STK32B: variants seen among roughly 807,000 people sequenced by gnomAD.
STK32B encodes the protein serine/threonine-protein kinase 32B.
STK32B carries 43 observed loss-of-function variants against 52.6 expected under a neutral mutation model. That is an observed-to-expected ratio of 0.82 (90% CI 0.64 to 1.05). STK32B has a LOEUF of 1.05. Ranked by LOEUF, STK32B falls within the 50% of genes least tolerant of loss-of-function variation. STK32B has a pLI of 0.00. For synonymous variants in STK32B, 238 were observed against 204.3 expected, an observed-to-expected ratio of 1.17 and a Z score of -1.41; for missense variants, 621 against 534.6, an observed-to-expected ratio of 1.16 and a Z score of -1.59.
chr4:5,134,545 T>C (rs990905920), intron 1 of STK32B, among the ~76,000 whole-genome samples: 1 of 152,212 alleles, frequency 6.6e-6, no homozygotes, highest in Non-Finnish European at 1.5e-5. Context: ...AATTACCCAG[T>C]CTGTGGCATT....
intron 4 of STK32B, among the ~76,000 whole-genome samples, chr4:5,382,384 A>G (rs1735987754): frequency 2.6e-5 from 4 of 152,184 alleles, no homozygotes; most frequent in Admixed American, 2.0e-4. Flanking sequence ...ATGAAATAAT[A>G]CATGTAAAGT....
Position 5,460,141 on chromosome 4 carries a change from T to C in STK32B, c.822T>C (p.Leu274=). 5 of 1,614,172 alleles carry C rather than the reference T, an allele frequency of 3.1e-6. No individual in the cohort carries two copies. The highest frequency in any genetic ancestry group is 3.4e-6 in the Non-Finnish European group (4 of 1,180,030). Residue 274 remains leucine, a synonymous_variant, in exon 9 of 12, where the codon CTT becomes CTC. Coordinates refer to ENST00000282908, the MANE Select transcript of STK32B (RefSeq NM_018401.3). The surrounding 1 kb of genome is among the most constrained non-coding windows in gnomAD (Gnocchi z 4.8). ...TKDPESRVSS[L]HDIQSVPYLA... ...ATCCTGAGAGCCGCGTGTCCAGCCT[T>C]CATGACATACAGAGCGTGCCCTACT... is the stretch of plus-strand genomic sequence containing the variant.
intron 6 of STK32B, among the ~76,000 whole-genome samples, chr4:5,439,921 C>T (rs28837068): frequency 0.38 from 57,212 of 151,770 alleles, 11,756 homozygotes; most frequent in Non-Finnish European, 0.47. Context: ...TGTAGATATG[C>T]GGCATTATTT....
chr4:5,316,340 T>C (rs1300080204), intron 3 of STK32B, among the ~76,000 whole-genome samples: 1 of 41,484 alleles, frequency 2.4e-5, no homozygotes, highest in African/African-American at 1.8e-4. Flanking sequence ...TACAATATAA[T>C]ATATTATATC....
chr4:5,271,042 A>G (rs760342998), intron 3 of STK32B, among the ~76,000 whole-genome samples: 1 of 151,984 alleles, frequency 6.6e-6, no homozygotes, highest in African/African-American at 2.4e-5. Flanking sequence ...GATTCAAGCA[A>G]TTCTCCTGCC....
At chr4:5,441,882 A>AGGTT (rs1560415020) in intron 6 of STK32B, among the ~76,000 whole-genome samples, 2 of 134,202 alleles carry the variant, frequency 1.5e-5, no homozygotes, top group Admixed American at 1.6e-4. Flanking sequence ...ATTCAGGAGC[A>AGGTT]GGTTGTTCAG....
chr4:5,128,942 G>A (rs1009358397), intron 1 of STK32B, among the ~76,000 whole-genome samples: 1 of 152,226 alleles, frequency 6.6e-6, no homozygotes, highest in South Asian at 2.1e-4. Flanking sequence ...AGCATTTGAA[G>A]CAAAGGACAT....
intron 4 of STK32B, among the ~76,000 whole-genome samples, chr4:5,383,828 ACT>A (rs1736080090): frequency 6.6e-6 from 1 of 152,032 alleles, no homozygotes; most frequent in African/African-American, 2.4e-5. Flanking sequence ...TTTGTGTCAG[ACT>A]CTGTTGTAAG....
chr4:5,487,450 T>G (rs1719322624), intron 11 of STK32B, among the ~76,000 whole-genome samples: 1 of 152,178 alleles, frequency 6.6e-6, no homozygotes, highest in Non-Finnish European at 1.5e-5. Flanking sequence ...ATACAATTAG[T>G]TTGTACAATG....
chr4:5,289,052 C>T (rs1728720230), intron 3 of STK32B, among the ~76,000 whole-genome samples: 1 of 152,108 alleles, frequency 6.6e-6, no homozygotes, highest in Non-Finnish European at 1.5e-5. Context: ...TTTCATTGGG[C>T]TATTGCAGCA....
intron 3 of STK32B, among the ~76,000 whole-genome samples, chr4:5,243,483 G>A (rs955032349): frequency 6.6e-6 from 1 of 152,152 alleles, no homozygotes. Flanking sequence ...TTTGGGCTGA[G>A]ACGATGGGGT....
rs188997681 is a variant in STK32B, at chr4:5,344,640, A to T, written c.434+13247A>T. On this transcript the variant is annotated intron_variant, in intron 4 of 11. Coordinates refer to ENST00000282908, the MANE Select transcript of STK32B (RefSeq NM_018401.3). Reference sequence around the variant, plus strand: ...ATTATTGAAGTGAATTATGAACCTTATCTGAGTTTTTTGTTTTTTCCATTT... The same window carrying T: ...ATTATTGAAGTGAATTATGAACCTTTTCTGAGTTTTTTGTTTTTTCCATTT... Among the ~76,000 whole-genome samples, 212 of 152,102 alleles carry T rather than the reference A, an allele frequency of 1.4e-3. 4 individuals carry two copies. The highest frequency in any genetic ancestry group is 0.012 in the Admixed American group (183 of 15,278).
In STK32B at chr4:5,276,296, GA is replaced by G. The variant is rs200643990; in HGVS notation, c.261-54915del. On this transcript the variant is annotated intron_variant, in intron 3 of 11. Transcript: ENST00000282908. Reference sequence around the variant, plus strand: ...AGAGTGAGACTCCATCTCAAAAAAAGAAAAAAAAATTCATTTAACCAGGTTT... The same window carrying G: ...AGAGTGAGACTCCATCTCAAAAAAAGAAAAAAAATTCATTTAACCAGGTTT... 1.7e-4 allele frequency among the ~76,000 whole-genome samples: 26 copies of G among 150,754 alleles called. 1 individual carries two copies. The highest frequency in any genetic ancestry group is 3.4e-3 in the Middle Eastern group (1 of 294).
intron 1 of STK32B, among the ~76,000 whole-genome samples, chr4:5,076,045 CA>C (rs1712051257): frequency 6.6e-6 from 1 of 152,138 alleles, no homozygotes; most frequent in African/African-American, 2.4e-5. Flanking sequence ...CTTCTCATGG[CA>C]ATGGCAGAAG....
At chr4:5,413,981 A>G (rs1219652744) in intron 5 of STK32B, among the ~76,000 whole-genome samples, 2 of 152,212 alleles carry the variant, frequency 1.3e-5, no homozygotes, top group African/African-American at 4.8e-5. Flanking sequence ...TTTACTCAAA[A>G]TAAAAGTACT....
intron 3 of STK32B, among the ~76,000 whole-genome samples, chr4:5,298,604 T>C (rs1290158118): frequency 6.6e-6 from 1 of 152,172 alleles, no homozygotes; most frequent in East Asian, 1.9e-4. Context: ...AACTGCCTAC[T>C]CAAGCCTCAG....
chr4:5,407,324 C>G (rs1216930026), intron 5 of STK32B, among the ~76,000 whole-genome samples: 2 of 152,140 alleles, frequency 1.3e-5, no homozygotes, highest in Non-Finnish European at 2.9e-5. Flanking sequence ...CTAGGGAGTT[C>G]CAAAATTTCC....
intron 1 of STK32B, among the ~76,000 whole-genome samples, chr4:5,105,772 C>T (rs887946479): frequency 2.6e-5 from 4 of 151,734 alleles, no homozygotes; most frequent in African/African-American, 9.7e-5. Flanking sequence ...ACTGTGTTAG[C>T]CAGGATGGTC....
At chr4:5,246,438 A>T (rs965679433) in intron 3 of STK32B, among the ~76,000 whole-genome samples, 2 of 151,994 alleles carry the variant, frequency 1.3e-5, no homozygotes, top group Non-Finnish European at 2.9e-5. Flanking sequence ...TACTTTAAGG[A>T]CTTCTCTGCA....
Sources: gnomAD v4.1 joint callset for allele counts (sites outside exome capture counted in the v4.1 genomes callset) on GRCh38, gnomAD v4.1.1 for gene constraint, Gnocchi (gnomAD v3.1) non-coding constraint, MANE v1.5 for transcripts, NCBI Gene and HGNC (gene_info 2026-07-23, HGNC 2026-07-21) for gene names.